LIFR: variants seen among roughly 807,000 people sequenced by gnomAD.
LIFR encodes LIF receptor subunit alpha.
Under a neutral mutation model 122.2 loss-of-function variants are expected in LIFR, and 84 were observed. That is an observed-to-expected ratio of 0.69 (90% confidence interval 0.58 to 0.82). The LOEUF (loss-of-function observed/expected upper bound fraction) is 0.82. Among genes scored for constraint, LIFR ranks in the 40% least tolerant of loss-of-function variants. The pLI is 0.00. For synonymous variants in LIFR, 422 were observed against 434.7 expected (o/e 0.97, Z 0.36); for missense variants, 1,294 against 1,311.6 (o/e 0.99, Z 0.21).
At chr5:38,552,125 G>C (rs78876199) in intron 1 of LIFR, among the ~76,000 whole-genome samples, 10,041 of 152,194 alleles carry the variant, frequency 0.066, 461 homozygotes, top group Non-Finnish European at 0.099. Flanking sequence ...CAGAACTTAA[G>C]AGAAACAGTT....
chr5:38,589,039 C>T (rs1458056958), intron 1 of LIFR, among the ~76,000 whole-genome samples: 2 of 148,730 alleles, frequency 1.3e-5, no homozygotes, highest in Non-Finnish European at 3.0e-5. Context: ...ACTCTGTTGC[C>T]GAGGCTGAAG....
At chr5:38,595,750 T>TG (rs1491329146), upstream of LIFR, among the ~76,000 whole-genome samples, 1 of 110,010 alleles carries the variant, frequency 9.1e-6, no homozygotes, top group East Asian at 3.1e-4. Context: ...TTTTTTTTTT[T>TG]GAAACAGAGT....
At chr5:38,554,875 CCATT>C (rs1399546602) in intron 1 of LIFR, 1 of 152,154 alleles carries the variant, frequency 6.6e-6, no homozygotes. Flanking sequence ...TCAAGGATGA[CCATT>C]CAGAAGCAAA....
intron 5 of LIFR, among the ~76,000 whole-genome samples, chr5:38,512,254 C>G (rs1561162011): frequency 6.6e-6 from 1 of 152,056 alleles, no homozygotes; most frequent in Non-Finnish European, 1.5e-5. Context: ...CTTGGGACCA[C>G]AAGTGTGTTG....
At chr5:38,517,017 C>A (rs998978422) in intron 5 of LIFR, among the ~76,000 whole-genome samples, 1 of 151,588 alleles carries the variant, frequency 6.6e-6, no homozygotes, top group African/African-American at 2.4e-5. Flanking sequence ...TGAGAACACA[C>A]GGACACAGGG....
intron 16 of LIFR, among the ~76,000 whole-genome samples, chr5:38,488,045 C>T (rs1744384234): frequency 6.6e-6 from 1 of 152,110 alleles, no homozygotes; most frequent in East Asian, 1.9e-4. Flanking sequence ...GGGGTGTTTC[C>T]CCTTCTTTAT....
upstream of LIFR, among the ~76,000 whole-genome samples, chr5:38,597,433 C>T (rs148453762): frequency 3.9e-3 from 601 of 152,272 alleles, 6 homozygotes; most frequent in African/African-American, 0.013. Context: ...CCAGGGGTGC[C>T]ATCTCTCTGG....
intron 4 of LIFR, among the ~76,000 whole-genome samples, chr5:38,525,562 T>C (rs1222365854): frequency 3.3e-5 from 5 of 152,168 alleles, no homozygotes. Flanking sequence ...ATGTAAAGTG[T>C]TTAGGGCTGT....
chr5:38,572,224 G>A (rs1749238086), intron 1 of LIFR, among the ~76,000 whole-genome samples: 1 of 152,174 alleles, frequency 6.6e-6, no homozygotes, highest in Non-Finnish European at 1.5e-5. Flanking sequence ...CTGCTTTTGG[G>A]GTGACCTTAG....
At chr5:38,515,682 A>G (rs1210487024) in intron 5 of LIFR, among the ~76,000 whole-genome samples, 1 of 152,110 alleles carries the variant, frequency 6.6e-6, no homozygotes, top group East Asian at 1.9e-4. Context: ...AAATAGCAAC[A>G]TAAGCATGTT....
rs1447369719 is a variant in LIFR, at chr5:38,523,521, T to C, written c.459A>G (p.Leu153=). 2 of 1,612,986 alleles carry C rather than the reference T, an allele frequency of 1.2e-6. No homozygotes were observed. Among genetic ancestry groups the C allele is most frequent in the African/African-American group, 2.7e-5 (2 of 74,888 alleles). Residue 153 remains leucine, a synonymous_variant, in exon 5 of 20, where the codon TTA becomes TTG. Transcript: ENST00000453190. ...AACCCCTGTCGTTCCACTTTAGGTA[T>C]AATGTAGAGGTTGAGAAATCAGCAG... ...NLSADFSTST[L]YLKWNDRGSV...
chr5:38,594,487 T>C (rs1471440126), intron 1 of LIFR, among the ~76,000 whole-genome samples: 6 of 152,138 alleles, frequency 3.9e-5, no homozygotes, highest in Non-Finnish European at 7.3e-5. Context: ...GATTCATCAA[T>C]TGCAACAAAT....
intron 1 of LIFR, among the ~76,000 whole-genome samples, chr5:38,552,813 A>G (rs547347286): frequency 6.6e-6 from 1 of 152,328 alleles, no homozygotes; most frequent in Admixed American, 6.5e-5. Context: ...AGACTCCCGA[A>G]TCTAAGTATT....
Position 38,476,129 on chromosome 5 carries a change from T to G in LIFR, c.*5466A>C, listed in dbSNP as rs1743710394. 5.0e-6 allele frequency: 1 copy of G among 200,836 alleles called. No individual in the cohort carries two copies. The highest frequency in any genetic ancestry group is 1.0e-5 in the Non-Finnish European group (1 of 97,508). 12.4% of individuals were successfully genotyped at this position (200,836 alleles called of 1,614,324 possible). ...AAATTAAATACAAGGAAACACTAGC[T>G]TATGATATATTAGACAATTTGGGGA... is the stretch of plus-strand genomic sequence containing the variant. On this transcript the variant is annotated 3_prime_UTR_variant, in exon 20 of 20. Transcript: ENST00000453190.
At chr5:38,568,793 C>T (rs1749113214) in intron 1 of LIFR, among the ~76,000 whole-genome samples, 2 of 152,168 alleles carry the variant, frequency 1.3e-5, no homozygotes, top group Admixed American at 1.3e-4. Context: ...GATACAGACT[C>T]TAGGACAGAG....
At chr5:38,601,691 A>G (rs1270863711) in intron 2 of LIFR, among the ~76,000 whole-genome samples, 1 of 152,156 alleles carries the variant, frequency 6.6e-6, no homozygotes, top group African/African-American at 2.4e-5. Context: ...AGGGTTCTGC[A>G]CTTGGCTCAC....
At position 38,506,550 on chromosome 5, in the gene LIFR, C is replaced by T. The variant is rs1242008500; in HGVS notation, c.1074G>A (p.Val358=). The change falls in exon 8 of 20, where the codon GTG becomes GTA. Residue 358 remains valine, a synonymous_variant. Transcript: ENST00000453190. ...TAGCACGTGGGCCCACCAACGCTGT[C>T]ACCCTTCCTGGATTCCAACTACATA... The part of the protein sequence containing the change: ...EIICSWNPGR[V]TALVGPRATS... 6.2e-7 allele frequency: 1 copy of T among 1,614,044 alleles called. No homozygotes were observed. The highest frequency in any genetic ancestry group is 1.7e-5 in the Admixed American group (1 of 60,022).
At chr5:38,524,069 C>T (rs948603465) in intron 4 of LIFR, among the ~76,000 whole-genome samples, 2 of 152,150 alleles carry the variant, frequency 1.3e-5, no homozygotes, top group Non-Finnish European at 2.9e-5. Context: ...GAGAAGAAAA[C>T]GAGTTTCCTC....
intron 1 of LIFR, among the ~76,000 whole-genome samples, chr5:38,561,658 A>G (rs577215269): frequency 1.3e-5 from 2 of 152,170 alleles, no homozygotes; most frequent in African/African-American, 4.8e-5. Flanking sequence ...ATTTGCTGTG[A>G]ATGTTATCGT....
Sources: gnomAD v4.1 joint callset for allele counts (sites outside exome capture counted in the v4.1 genomes callset) on GRCh38, gnomAD v4.1.1 for gene constraint, MANE v1.5 for transcripts, NCBI Gene and HGNC (gene_info 2026-07-23, HGNC 2026-07-21) for gene names.